HLA-E: variants seen among roughly 807,000 people sequenced by gnomAD.
HLA-E encodes major histocompatibility complex, class I, E.
In HLA-E, 25 loss-of-function variants were observed where a neutral mutation model predicts 43.4. That is an observed-to-expected ratio of 0.58 (90% CI 0.42 to 0.80). The LOEUF (loss-of-function observed/expected upper bound fraction) is 0.80, where lower values mean the gene tolerates loss of function less well. HLA-E is among the 30% of genes least tolerant of loss of function. HLA-E has a pLI of 0.00. For synonymous variants in HLA-E, 161 were observed against 197.6 expected, an observed-to-expected ratio of 0.81 and a Z score of 1.55; for missense variants, 343 against 470.0, an observed-to-expected ratio of 0.73 and a Z score of 2.50.
In HLA-E at chr6:30,492,997, A is replaced by G. The variant is rs1796647430; in HGVS notation, c.*251A>G. The G allele has an allele frequency of 4.7e-6, 1 of 212,364 alleles. No homozygotes were observed. 13.2% of individuals were successfully genotyped at this position (212,364 alleles called of 1,614,324 possible). On this transcript the variant is annotated 3_prime_UTR_variant, in exon 8 of 8. Coordinates refer to ENST00000376630, the MANE Select transcript of HLA-E (RefSeq NM_005516.6). This position sits in a 1 kb window ranked among gnomAD's most constrained non-coding sequence, Gnocchi z 4.5. ...TTCCTTCCCTGTTCTCTTTTCTATTAAAAATAAGAACCTGGGCAGAGTGCG... is the reference window on the plus strand; with the variant it reads ...TTCCTTCCCTGTTCTCTTTTCTATTGAAAATAAGAACCTGGGCAGAGTGCG...
In HLA-E at chr6:30,491,257, G is replaced by T; in HGVS notation, c.731G>T (p.Gly244Val). 6.2e-7 allele frequency: 1 copy of T among 1,614,036 alleles called. No homozygotes were observed. The highest frequency in any genetic ancestry group is 1.1e-5 in the South Asian group (1 of 91,078). ...CTGACCTGGCAGCAGGATGGGGAGGGCCATACCCAGGACACGGAGCTCGTG... is the reference window on the plus strand; with the variant it reads ...CTGACCTGGCAGCAGGATGGGGAGGTCCATACCCAGGACACGGAGCTCGTG... ...ITLTWQQDGEGHTQDTELVET... is the reference protein window; with the variant it reads ...ITLTWQQDGEVHTQDTELVET... Residue 244 changes from glycine to valine, a missense_variant, in exon 4 of 8, where the codon GGC (glycine) becomes GTC (valine). Transcript: ENST00000376630. This position sits in a 1 kb window ranked among gnomAD's most constrained non-coding sequence, Gnocchi z 5.4.
At position 30,491,127 on chromosome 6, in the gene HLA-E, T is replaced by C; in HGVS notation, c.611-10T>C. ...ACAAAGTGCCTGAATTTTCTGACTC[T>C]TCCCCTCAGAGCCCCCAAAGACACA... On this transcript the variant is annotated splice_polypyrimidine_tract_variant and intron_variant, in intron 3 of 7. Coordinates refer to ENST00000376630, the MANE Select transcript of HLA-E (RefSeq NM_005516.6). The surrounding 1 kb of genome is among the most constrained non-coding windows in gnomAD (Gnocchi z 5.4). The C allele has an allele frequency of 6.2e-7, 1 of 1,613,352 alleles. No individual in the cohort carries two copies. The highest frequency in any genetic ancestry group is 8.5e-7 in the Non-Finnish European group (1 of 1,179,420).
rs372172747 is a variant in HLA-E at position 30,489,542 on chromosome 6, G to T, written c.11G>T (p.Gly4Val). 7 of 1,525,096 alleles carry T rather than the reference G, an allele frequency of 4.6e-6. No homozygotes were observed. The highest frequency in any genetic ancestry group is 1.4e-5 in the African/African-American group (1 of 71,724). The allele number at this position is 1,525,096 out of a possible 1,614,324, so 94.5% of individuals were successfully genotyped here. The change falls in exon 1 of 8, where the codon GGA becomes GTA. Residue 4 changes from glycine (G) to valine (V), a missense_variant. Physicochemically the swap from Gly to Val is moderately radical, Grantham distance 109. Transcript: ENST00000376630. This position sits in a 1 kb window ranked among gnomAD's most constrained non-coding sequence, Gnocchi z 5.6. ...TCAGAGGCTGGGATCATGGTAGATGGAACCCTCCTTTTACTCCTCTCGGAG... is the reference window on the plus strand; with the variant it reads ...TCAGAGGCTGGGATCATGGTAGATGTAACCCTCCTTTTACTCCTCTCGGAG... MVD[G>V]TLLLLLSEAL...
At position 30,491,555 on chromosome 6, in the gene HLA-E, C is replaced by T. The variant is rs1303963793; in HGVS notation, c.905C>T (p.Thr302Ile). The T allele has an allele frequency of 6.8e-6, 11 of 1,613,350 alleles. No homozygotes were observed. The highest frequency in any genetic ancestry group is 9.3e-6 in the Non-Finnish European group (11 of 1,179,938). ...TLRWKPASQP[T>I]IPIVGIIAGL... ...TTCCCAGAGCCGGCTTCCCAGCCCA[C>T]CATCCCCATCGTGGGCATCATTGCT... is the stretch of plus-strand genomic sequence containing the variant. The change falls in exon 5 of 8, where the codon ACC becomes ATC. Residue 302 changes from threonine (T) to isoleucine (I), a missense_variant. Physicochemically the swap from Thr to Ile is moderately conservative, Grantham distance 89 (BLOSUM62 -1). This residue lies in a region of HLA-E where 190 missense variants were observed against 283.6 expected (regional missense o/e 0.67). Transcript: ENST00000376630. The surrounding 1 kb of genome is among the most constrained non-coding windows in gnomAD (Gnocchi z 5.4).
chr6:30,489,812 G>C lies in HLA-E; in HGVS notation c.151G>C (p.Asp51His). 1 of 1,613,008 alleles carries C rather than the reference G, an allele frequency of 6.2e-7. No individual in the cohort carries two copies. The highest frequency in any genetic ancestry group is 8.5e-7 in the Non-Finnish European group (1 of 1,179,984). Residue 51 changes from aspartate (D) to histidine (H), a missense_variant, in exon 2 of 8, where the codon GAC (aspartate) becomes CAC (histidine). Transcript: ENST00000376630. The surrounding 1 kb of genome is among the most constrained non-coding windows in gnomAD (Gnocchi z 5.6). The stretch of plus-strand genomic sequence containing the variant: ...CTTCATCTCTGTGGGCTACGTGGAC[G>C]ACACCCAGTTCGTGCGCTTCGACAA... ...PRFISVGYVD[D>H]TQFVRFDNDA... is the part of the protein sequence containing the mutation.
Position 30,491,234 on chromosome 6 carries a change from G to A in HLA-E, c.708G>A (p.Leu236=). Residue 236 remains leucine, a synonymous_variant, in exon 4 of 8, where the codon CTG becomes CTA. Coordinates refer to ENST00000376630, the MANE Select transcript of HLA-E (RefSeq NM_005516.6). The surrounding 1 kb of genome is among the most constrained non-coding windows in gnomAD (Gnocchi z 5.4). The part of the protein sequence containing the change: ...ALGFYPAEIT[L]TWQQDGEGHT... ...GCTTCTACCCTGCGGAGATCACACT[G>A]ACCTGGCAGCAGGATGGGGAGGGCC... is the stretch of plus-strand genomic sequence containing the variant. 6.2e-7 allele frequency: 1 copy of A among 1,614,130 alleles called. No homozygotes were observed. The highest frequency in any genetic ancestry group is 1.1e-5 in the South Asian group (1 of 91,082).
rs1354990301 is a variant in HLA-E at position 30,491,835 on chromosome 6, C to T, written c.1003+182C>T. Among the ~76,000 whole-genome samples, 1 of 152,108 alleles carries T rather than the reference C, an allele frequency of 6.6e-6. No individual in the cohort carries two copies. The highest frequency in any genetic ancestry group is 1.5e-5 in the Non-Finnish European group (1 of 68,018). ...TTTTGAGACGGAGTCTTGGCTCTGT[C>T]ACCCAGGCTGGAGTGCAATGGCGTG... On this transcript the variant is annotated intron_variant, in intron 5 of 7. Coordinates refer to ENST00000376630, the MANE Select transcript of HLA-E (RefSeq NM_005516.6). This position sits in a 1 kb window ranked among gnomAD's most constrained non-coding sequence, Gnocchi z 5.4.
Position 30,489,795 on chromosome 6 carries a change from C to T in HLA-E, c.134C>T (p.Ser45Phe), listed in dbSNP as rs1383823378. 6.2e-7 allele frequency: 1 copy of T among 1,613,016 alleles called. No homozygotes were observed. The highest frequency in any genetic ancestry group is 2.2e-5 in the East Asian group (1 of 44,882). ...RPGRGEPRFI[S>F]VGYVDDTQFV... ...GGCCGCGGGGAGCCCCGCTTCATCT[C>T]TGTGGGCTACGTGGACGACACCCAG... is the stretch of plus-strand genomic sequence containing the variant. Residue 45 changes from serine (S) to phenylalanine (F), a missense_variant, in exon 2 of 8, where the codon TCT becomes TTT. Ser to Phe is a radical substitution (Grantham distance 155). This residue lies in a region of HLA-E where 94 missense variants were observed against 144.4 expected (regional missense o/e 0.65). Transcript: ENST00000376630. This position sits in a 1 kb window ranked among gnomAD's most constrained non-coding sequence, Gnocchi z 5.6.
Position 30,490,304 on chromosome 6 carries a change from G to T in HLA-E, c.399G>T (p.Gly133=). ...ELGPDGRFLR[G]YEQFAYDGKD... Reference sequence around the variant, plus strand: ...GGCCCGACGGGCGCTTCCTCCGCGGGTATGAACAGTTCGCCTACGACGGCA... The same window carrying T: ...GGCCCGACGGGCGCTTCCTCCGCGGTTATGAACAGTTCGCCTACGACGGCA... Residue 133 remains glycine, a synonymous_variant, in exon 3 of 8, where the codon GGG becomes GGT. Coordinates refer to ENST00000376630, the MANE Select transcript of HLA-E (RefSeq NM_005516.6). The surrounding 1 kb of genome is among the most constrained non-coding windows in gnomAD (Gnocchi z 6.6). The T allele has an allele frequency of 6.2e-7, 1 of 1,613,108 alleles. No individual in the cohort carries two copies. The highest frequency in any genetic ancestry group is 2.2e-5 in the East Asian group (1 of 44,878).
At position 30,490,361 on chromosome 6, in the gene HLA-E, C is replaced by T. The variant is rs1796462768; in HGVS notation, c.456C>T (p.Arg152=). 6.2e-7 allele frequency: 1 copy of T among 1,613,106 alleles called. No individual in the cohort carries two copies. Among genetic ancestry groups the T allele is most frequent in the Non-Finnish European group, 8.5e-7 (1 of 1,180,042 alleles). The stretch of plus-strand genomic sequence containing the variant: ...ATCTCACCCTGAATGAGGACCTGCG[C>T]TCCTGGACCGCGGTGGACACGGCGG... ...KDYLTLNEDL[R]SWTAVDTAAQ... is the part of the protein sequence containing the mutation. The change falls in exon 3 of 8, where the codon CGC becomes CGT. Residue 152 remains arginine (R), a synonymous_variant. Transcript: ENST00000376630. The surrounding 1 kb of genome is among the most constrained non-coding windows in gnomAD (Gnocchi z 6.6).
chr6:30,491,614 G>C lies in HLA-E; in HGVS notation c.964G>C (p.Ala322Pro). 1 of 1,613,442 alleles carries C rather than the reference G, an allele frequency of 6.2e-7. No individual in the cohort carries two copies. The highest frequency in any genetic ancestry group is 8.5e-7 in the Non-Finnish European group (1 of 1,179,946). ...TCTCCTTGGATCTGTGGTCTCTGGA[G>C]CTGTGGTTGCTGCTGTGATATGGAG... is the stretch of plus-strand genomic sequence containing the variant. ...LVLLGSVVSGAVVAAVIWRKK... is the reference protein window; with the variant it reads ...LVLLGSVVSGPVVAAVIWRKK... Residue 322 changes from alanine to proline, a missense_variant, in exon 5 of 8, where the codon GCT becomes CCT. By Grantham distance (27) the Ala-to-Pro change is conservative. Around this residue, in one of 3 missense-constraint regions of HLA-E, gnomAD observed 190 missense variants for 283.6 expected, o/e 0.67. Coordinates refer to ENST00000376630, the MANE Select transcript of HLA-E (RefSeq NM_005516.6). This position sits in a 1 kb window ranked among gnomAD's most constrained non-coding sequence, Gnocchi z 5.4.
In HLA-E at chr6:30,492,333, T is replaced by C; in HGVS notation, c.1004-71T>C. The C allele has an allele frequency of 1.3e-6, 2 of 1,534,320 alleles. No homozygotes were observed. Among genetic ancestry groups the C allele is most frequent in the East Asian group, 4.5e-5 (2 of 44,476 alleles). ...AGGAAACTTCTCTGGGATCCAAAAC[T>C]AGGAGGTTCCTCTAGGACCTTATGG... On this transcript the variant is annotated intron_variant, in intron 5 of 7. Coordinates refer to ENST00000376630, the MANE Select transcript of HLA-E (RefSeq NM_005516.6). The surrounding 1 kb of genome is among the most constrained non-coding windows in gnomAD (Gnocchi z 4.5).
Position 30,490,181 on chromosome 6 carries a change from A to T in HLA-E, c.335-59A>T. ...TTTCAGTTTAGGCCAAAATGCCCAC[A>T]GGGTGGTGGCGACGGGGGCGGGGCT... On this transcript the variant is annotated intron_variant, in intron 2 of 7. Transcript: ENST00000376630. The surrounding 1 kb of genome is among the most constrained non-coding windows in gnomAD (Gnocchi z 6.6). 8.4e-7 allele frequency: 1 copy of T among 1,192,198 alleles called. No homozygotes were observed. Among genetic ancestry groups the T allele is most frequent in the Non-Finnish European group, 1.1e-6 (1 of 901,218 alleles). 73.9% of individuals were successfully genotyped at this position (1,192,198 alleles called of 1,614,324 possible). A position where few individuals can be genotyped will look rare whatever the true frequency, so the allele number is the denominator to read the frequency against.
chr6:30,493,630 A>T lies in HLA-E; in HGVS notation c.*884A>T, dbSNP rs1321231723. On this transcript the variant is annotated 3_prime_UTR_variant, in exon 8 of 8. Coordinates refer to ENST00000376630, the MANE Select transcript of HLA-E (RefSeq NM_005516.6). The surrounding 1 kb of genome is among the most constrained non-coding windows in gnomAD (Gnocchi z 5.5). ...GGATCGTAAGGCTGTGCCTTCATTC[A>T]TGGGTTAATGGATTAATGGGTTATC... is the stretch of plus-strand genomic sequence containing the variant. The T allele has an allele frequency of 1.3e-5, 2 of 152,238 alleles. No homozygotes were observed. Among genetic ancestry groups the T allele is most frequent in the Non-Finnish European group, 2.9e-5 (2 of 68,066 alleles). 9.4% of individuals were successfully genotyped at this position (152,238 alleles called of 1,614,324 possible).
chr6:30,489,922 C>T lies in HLA-E; in HGVS notation c.261C>T (p.Ser87=), dbSNP rs11548299. The change falls in exon 2 of 8, where the codon AGC becomes AGT. Residue 87 remains serine (S), a synonymous_variant. Transcript: ENST00000376630. This position sits in a 1 kb window ranked among gnomAD's most constrained non-coding sequence, Gnocchi z 5.6. ...GSEYWDRETR[S]ARDTAQIFRV... is the part of the protein sequence containing the mutation. ...AGTATTGGGACCGGGAGACACGGAG[C>T]GCCAGGGACACCGCACAGATTTTCC... 10 of 1,612,640 alleles carry T rather than the reference C, an allele frequency of 6.2e-6. No homozygotes were observed. In the Admixed American group the frequency reaches 6.7e-5, roughly 11 times the overall value.
Position 30,491,547 on chromosome 6 carries a change from C to G in HLA-E, c.897C>G (p.Ser299=). The stretch of plus-strand genomic sequence containing the variant: ...CCCCTCTTTTCCCAGAGCCGGCTTC[C>G]CAGCCCACCATCCCCATCGTGGGCA... ...EPVTLRWKPA[S]QPTIPIVGII... The change falls in exon 5 of 8, where the codon TCC becomes TCG. Residue 299 remains serine, a synonymous_variant. Coordinates refer to ENST00000376630, the MANE Select transcript of HLA-E (RefSeq NM_005516.6). The surrounding 1 kb of genome is among the most constrained non-coding windows in gnomAD (Gnocchi z 5.4). 3.1e-6 allele frequency: 5 copies of G among 1,613,436 alleles called. No individual in the cohort carries two copies. Among genetic ancestry groups the G allele is most frequent in the Non-Finnish European group, 4.2e-6 (5 of 1,179,868 alleles).
chr6:30,489,977 T>C lies in HLA-E; in HGVS notation c.316T>C (p.Tyr106His), dbSNP rs1396068810. The C allele has an allele frequency of 1.9e-6, 3 of 1,609,532 alleles. No homozygotes were observed. The highest frequency in any genetic ancestry group is 2.5e-6 in the Non-Finnish European group (3 of 1,177,884). Reference sequence around the variant, plus strand: ...GAATCTGCGGACGCTGCGCGGCTACTACAATCAGAGCGAGGCCGGTGAGTG... The same window carrying C: ...GAATCTGCGGACGCTGCGCGGCTACCACAATCAGAGCGAGGCCGGTGAGTG... ...RVNLRTLRGYYNQSEAGSHTL... is the reference protein window; with the variant it reads ...RVNLRTLRGYHNQSEAGSHTL... Residue 106 changes from tyrosine to histidine, a missense_variant, in exon 2 of 8, where the codon TAC becomes CAC. By Grantham distance (83) the Tyr-to-His change is moderately conservative (BLOSUM62 2). This residue lies in a region of HLA-E where 59 missense variants were observed against 42.0 expected (regional missense o/e 1.40). Coordinates refer to ENST00000376630, the MANE Select transcript of HLA-E (RefSeq NM_005516.6). The surrounding 1 kb of genome is among the most constrained non-coding windows in gnomAD (Gnocchi z 5.6).
In HLA-E at chr6:30,490,403, A is replaced by G; in HGVS notation, c.498A>G (p.Gln166=). The G allele has an allele frequency of 6.2e-7, 1 of 1,613,092 alleles. No individual in the cohort carries two copies. ...ACACGGCGGCTCAGATCTCCGAGCA[A>G]AAGTCAAATGATGCCTCTGAGGCGG... is the stretch of plus-strand genomic sequence containing the variant. ...AVDTAAQISE[Q]KSNDASEAEH... is the part of the protein sequence containing the mutation. The change falls in exon 3 of 8, where the codon CAA becomes CAG. Residue 166 remains glutamine, a synonymous_variant. Coordinates refer to ENST00000376630, the MANE Select transcript of HLA-E (RefSeq NM_005516.6). The surrounding 1 kb of genome is among the most constrained non-coding windows in gnomAD (Gnocchi z 6.6).
In HLA-E at chr6:30,490,326, G is replaced by C; in HGVS notation, c.421G>C (p.Gly141Arg). The part of the protein sequence containing the change: ...LRGYEQFAYD[G>R]KDYLTLNEDL... The stretch of plus-strand genomic sequence containing the variant: ...CGGGTATGAACAGTTCGCCTACGAC[G>C]GCAAGGATTATCTCACCCTGAATGA... Residue 141 changes from glycine to arginine, a missense_variant, in exon 3 of 8, where the codon GGC (glycine) becomes CGC (arginine). Gly to Arg is a moderately radical substitution (Grantham distance 125). Transcript: ENST00000376630. This position sits in a 1 kb window ranked among gnomAD's most constrained non-coding sequence, Gnocchi z 6.6. The C allele has an allele frequency of 6.2e-7, 1 of 1,613,080 alleles. No individual in the cohort carries two copies. The highest frequency in any genetic ancestry group is 2.2e-5 in the East Asian group (1 of 44,870).
Sources: gnomAD v4.1 joint callset for allele counts (sites outside exome capture counted in the v4.1 genomes callset) on GRCh38, gnomAD v4.1.1 for gene constraint, gnomAD v4.1.1 regional missense constraint, Gnocchi (gnomAD v3.1) non-coding constraint, MANE v1.5 for transcripts, NCBI Gene and HGNC (gene_info 2026-07-23, HGNC 2026-07-21) for gene names.